WNT3: variants seen among roughly 807,000 people sequenced by gnomAD.
The protein encoded by WNT3 is Wnt family member 3.
A neutral mutation model predicts 34.2 loss-of-function variants in WNT3; 7 were observed. That is an observed-to-expected ratio of 0.20 (90% CI 0.12 to 0.38). The LOEUF (loss-of-function observed/expected upper bound fraction) is 0.38, where lower values mean the gene tolerates loss of function less well. WNT3 is among the 10% of genes least tolerant of loss of function. WNT3 has a pLI of 1.00. For missense variants in WNT3, 267 were observed against 499.8 expected (o/e 0.53, Z 4.44); for synonymous variants, 212 against 211.5 (o/e 1.00, Z -0.02).
chr17:46,773,350 T>C (rs925399790), intron 2 of WNT3, among the ~76,000 whole-genome samples: 1 of 152,070 alleles, frequency 6.6e-6, no homozygotes, highest in African/African-American at 2.4e-5. Flanking sequence ...GGTATTTGCA[T>C]AGCACTTAAC....
chr17:46,801,191 T>G (rs192086998), intron 1 of WNT3, among the ~76,000 whole-genome samples: 1 of 152,290 alleles, frequency 6.6e-6, no homozygotes, highest in Non-Finnish European at 1.5e-5. Flanking sequence ...CCAGGACTGC[T>G]GTACCCAGGC....
rs191870456 is a variant in WNT3, at chr17:46,768,066, G to A, written c.*8+246C>T. On this transcript the variant is annotated intron_variant, in intron 4 of 4. Transcript: ENST00000225512. The surrounding 1 kb of genome is among the most constrained non-coding windows in gnomAD (Gnocchi z 5.0). ...GCCTCCCAAAGTGCTGGGATTACAGGCGTGAGCCACCGCACCCGGCCAACA... is the reference window on the plus strand; with the variant it reads ...GCCTCCCAAAGTGCTGGGATTACAGACGTGAGCCACCGCACCCGGCCAACA... Among the ~76,000 whole-genome samples the A allele has an allele frequency of 1.2e-4, 18 of 152,312 alleles. No homozygotes were observed. The highest frequency in any genetic ancestry group is 2.2e-4 in the Non-Finnish European group (15 of 68,028).
intron 1 of WNT3, among the ~76,000 whole-genome samples, chr17:46,810,746 T>C (rs920864549): frequency 1.3e-5 from 2 of 151,926 alleles, no homozygotes; most frequent in African/African-American, 4.8e-5. Flanking sequence ...GAACGCGGAA[T>C]ACAGCCTCCA....
Position 46,768,920 on chromosome 17 carries a change from G to T in WNT3, c.589-121C>A. 1 of 1,433,920 alleles carries T rather than the reference G, an allele frequency of 7.0e-7. No individual in the cohort carries two copies. The highest frequency in any genetic ancestry group is 9.3e-7 in the Non-Finnish European group (1 of 1,073,528). 88.8% of individuals were successfully genotyped at this position (1,433,920 alleles called of 1,614,324 possible). Reference sequence around the variant, plus strand: ...AGCCTTCTCTACTCCTCTGTGACAGGAAGAGAACTGATGGGGACTGAGGCA... The same window carrying T: ...AGCCTTCTCTACTCCTCTGTGACAGTAAGAGAACTGATGGGGACTGAGGCA... On this transcript the variant is annotated intron_variant, in intron 3 of 4. Transcript: ENST00000225512. The surrounding 1 kb of genome is among the most constrained non-coding windows in gnomAD (Gnocchi z 5.0).
chr17:46,773,732 G>A lies in WNT3; in HGVS notation c.258C>T (p.Gly86=), dbSNP rs547894383. The change falls in exon 2 of 5, where the codon GGC becomes GGT. Residue 86 remains glycine (G), a synonymous_variant. Transcript: ENST00000225512. ...GIQECQHQFR[G]RRWNCTTIDD... Reference sequence around the variant, plus strand: ...CTATGGTGGTGCAGTTCCAGCGGCGGCCCCGGAACTGGTGCTGGCACTCCT... The same window carrying A: ...CTATGGTGGTGCAGTTCCAGCGGCGACCCCGGAACTGGTGCTGGCACTCCT... 9.5e-5 allele frequency: 153 copies of A among 1,612,968 alleles called. No homozygotes were observed. In the South Asian group the frequency reaches 1.4e-3, roughly 14 times the overall value.
In WNT3 at chr17:46,768,205, T is replaced by C. The variant is rs1162640388; in HGVS notation, c.*8+107A>G. The C allele has an allele frequency of 6.6e-7, 1 of 1,520,246 alleles. No homozygotes were observed. Among genetic ancestry groups the C allele is most frequent in the Non-Finnish European group, 8.9e-7 (1 of 1,122,844 alleles). 94.2% of individuals were successfully genotyped at this position (1,520,246 alleles called of 1,614,324 possible). Reference sequence around the variant, plus strand: ...TTTGGCTGTGGGAACTTGTGTGTCTTGGATAGCTTAGAAACAGAAGGGGGT... The same window carrying C: ...TTTGGCTGTGGGAACTTGTGTGTCTCGGATAGCTTAGAAACAGAAGGGGGT... On this transcript the variant is annotated intron_variant, in intron 4 of 4. Coordinates refer to ENST00000225512, the MANE Select transcript of WNT3 (RefSeq NM_030753.5). This position sits in a 1 kb window ranked among gnomAD's most constrained non-coding sequence, Gnocchi z 5.0.
intron 1 of WNT3, among the ~76,000 whole-genome samples, chr17:46,789,239 C>T (rs1483493365): frequency 6.6e-6 from 1 of 152,180 alleles, no homozygotes; most frequent in Non-Finnish European, 1.5e-5. Flanking sequence ...ATAGCACTGG[C>T]CACCAGGGCT....
At position 46,762,522 on chromosome 17, in the gene WNT3, C is replaced by T. The variant is rs1361070999; in HGVS notation, c.*2108G>A. ...ATGTATCCATTTTAGGTTTGTTTACCTTCTCTTTAATGACTTAACAGAAAA... is the reference window on the plus strand; with the variant it reads ...ATGTATCCATTTTAGGTTTGTTTACTTTCTCTTTAATGACTTAACAGAAAA... On this transcript the variant is annotated 3_prime_UTR_variant, in exon 5 of 5. Transcript: ENST00000225512. 6.6e-6 allele frequency: 1 copy of T among 151,340 alleles called. No individual in the cohort carries two copies. Among genetic ancestry groups the T allele is most frequent in the Admixed American group, 6.6e-5 (1 of 15,156 alleles). 9.4% of individuals were successfully genotyped at this position (151,340 alleles called of 1,614,324 possible). A position where few individuals can be genotyped will look rare whatever the true frequency, so the allele number is the denominator to read the frequency against.
At chr17:46,785,027 T>C (rs1038587497) in intron 1 of WNT3, among the ~76,000 whole-genome samples, 11 of 152,166 alleles carry the variant, frequency 7.2e-5, no homozygotes, top group Admixed American at 5.9e-4. Flanking sequence ...TCTGCCCGCC[T>C]TGGCCTCCCA....
Position 46,768,426 on chromosome 17 carries a change from G to A in WNT3, c.962C>T (p.Thr321Met), listed in dbSNP as rs1303969028. 5.0e-6 allele frequency: 8 copies of A among 1,613,740 alleles called. No individual in the cohort carries two copies. The highest frequency in any genetic ancestry group is 2.2e-5 in the East Asian group (1 of 44,884). ...TTTTTCCTTCCGCTTCTCCGTCCTC[G>A]TGTTGTGGCCCCGGCCACAGCAGAG... ...DLLCCGRGHN[T>M]RTEKRKEKCH... Residue 321 changes from threonine (T) to methionine (M), a missense_variant, in exon 4 of 5, where the codon ACG (threonine) becomes ATG (methionine). Physicochemically the swap from Thr to Met is moderately conservative, Grantham distance 81. This residue lies in a region of WNT3 where 60 missense variants were observed against 82.7 expected (regional missense o/e 0.73). Coordinates refer to ENST00000225512, the MANE Select transcript of WNT3 (RefSeq NM_030753.5). This position sits in a 1 kb window ranked among gnomAD's most constrained non-coding sequence, Gnocchi z 5.0.
intron 1 of WNT3, among the ~76,000 whole-genome samples, chr17:46,803,605 T>G (rs1003168022): frequency 5.3e-5 from 8 of 152,208 alleles, no homozygotes; most frequent in African/African-American, 1.7e-4. Flanking sequence ...CCTAGAGGGC[T>G]AGGTTACCTG....
At chr17:46,783,076 TAGTTCATTCTCTCAAC>T (rs1244743742) in intron 1 of WNT3, among the ~76,000 whole-genome samples, 2 of 152,142 alleles carry the variant, frequency 1.3e-5, no homozygotes, top group African/African-American at 4.8e-5. Flanking sequence ...TCAACGGGGC[TAGTTCATTCTCTCAAC>T]GGGGCCCTCT....
At position 46,813,537 on chromosome 17, in the gene WNT3, G is replaced by T. The variant is rs527548856; in HGVS notation, c.80+4981C>A. On this transcript the variant is annotated intron_variant, in intron 1 of 4. Transcript: ENST00000225512. ...AGGAATGAGGGGTGGAGGATGTCTT[G>T]CCCTCCTTGGCAGCTGGAGAAGGTT... 2.6e-5 allele frequency among the ~76,000 whole-genome samples: 4 copies of T among 151,974 alleles called. No homozygotes were observed. The South Asian group carries it at 8.3e-4, about 32-fold the overall frequency.
chr17:46,780,716 GC>G (rs1451340855), intron 1 of WNT3, among the ~76,000 whole-genome samples: 8 of 152,044 alleles, frequency 5.3e-5, no homozygotes, highest in Non-Finnish European at 1.0e-4. Context: ...GGCAGAGCTT[GC>G]AGTGAGCTGA....
chr17:46,801,851 C>T lies in WNT3; in HGVS notation c.80+16667G>A, dbSNP rs562360454. Reference sequence around the variant, plus strand: ...AGCCACATTAGAGGAGGCAAGCCTTCTTCCCGATGCTGTGCCAGTTCGACC... The same window carrying T: ...AGCCACATTAGAGGAGGCAAGCCTTTTTCCCGATGCTGTGCCAGTTCGACC... On this transcript the variant is annotated intron_variant, in intron 1 of 4. Transcript: ENST00000225512. Among the ~76,000 whole-genome samples the T allele has an allele frequency of 4.9e-4, 75 of 152,288 alleles. No homozygotes were observed. In the Middle Eastern group the frequency reaches 0.01, roughly 21 times the overall value.
rs763283434 is a variant in WNT3 at position 46,769,981 on chromosome 17, G to A, written c.390C>T (p.Ser130=). The A allele has an allele frequency of 1.9e-6, 3 of 1,609,800 alleles. No individual in the cohort carries two copies. Among genetic ancestry groups the A allele is most frequent in the Non-Finnish European group, 2.5e-6 (3 of 1,178,440 alleles). ...SAGVAFAVTR[S]CAEGTSTICG... is the part of the protein sequence containing the mutation. ...AAATGGTGGAGGTGCCCTCGGCGCA[G>A]GAGCGGGTGACGGCGAAGGCCACGC... The change falls in exon 3 of 5, where the codon TCC becomes TCT. Residue 130 remains serine (S), a synonymous_variant. Transcript: ENST00000225512.
At chr17:46,771,688 TCCCGCGGCCGGGCCGCGCCCCCGGC>T (rs1232938774) in intron 2 of WNT3, among the ~76,000 whole-genome samples, 4 of 140,062 alleles carry the variant, frequency 2.9e-5, no homozygotes, top group African/African-American at 5.2e-5. Context: ...AACGGGCGGC[TCCCGCGGCCGGGCCGCGCCCCCGGC>T]CCCGGCGCCG....
chr17:46,768,831 A>G lies in WNT3; in HGVS notation c.589-32T>C, dbSNP rs1188229810. On this transcript the variant is annotated intron_variant, in intron 3 of 4. Transcript: ENST00000225512. This position sits in a 1 kb window ranked among gnomAD's most constrained non-coding sequence, Gnocchi z 5.0. ...GAGAGAAGTGGCAGCTGGCCAACAG[A>G]CCGACCCCACGAGGGGGCACATCCA... The G allele has an allele frequency of 1.2e-6, 2 of 1,606,082 alleles. No individual in the cohort carries two copies.
At chr17:46,791,802 T>TTTCG (rs1218684613) in intron 1 of WNT3, among the ~76,000 whole-genome samples, 2 of 147,844 alleles carry the variant, frequency 1.4e-5, no homozygotes, top group Non-Finnish European at 3.0e-5. Flanking sequence ...CACTTCAGAA[T>TTTCG]TTCGAGGCAG....
Sources: allele counts gnomAD v4.1 joint callset (sites outside exome capture counted in the v4.1 genomes callset), GRCh38; gene constraint gnomAD v4.1.1; regional missense constraint gnomAD v4.1.1; non-coding constraint Gnocchi (gnomAD v3.1); transcripts MANE v1.5; gene names NCBI Gene and HGNC (gene_info 2026-07-23, HGNC 2026-07-21).